Variants in SPATS1 observed in about 807,000 individuals in gnomAD.
SPATS1 encodes spermatogenesis associated serine rich 1.
Under a neutral mutation model 33.6 loss-of-function variants are expected in SPATS1, and 23 were observed. The observed-to-expected ratio is 0.68, with a 90% confidence interval of 0.49 to 0.97. The LOEUF is 0.97. Among genes scored for constraint, SPATS1 ranks in the 50% least tolerant of loss-of-function variants. The probability of loss-of-function intolerance (pLI) is 0.00; values close to 1 mark genes in which losing one functional copy is unlikely to be tolerated. For missense variants in SPATS1, 327 were observed against 361.0 expected, an observed-to-expected ratio of 0.91 and a Z score of 0.76; for synonymous variants, 131 against 125.6, an observed-to-expected ratio of 1.04 and a Z score of -0.29.
At chr6:44,346,280 C>CAA (rs3997539) in intron 2 of SPATS1, among the ~76,000 whole-genome samples, 20,260 of 144,576 alleles carry the variant, frequency 0.14, 1,824 homozygotes, top group East Asian at 0.25. Flanking sequence ...GACCCTGTCT[C>CAA]AAAAAAAAAA....
At position 44,378,169 on chromosome 6, in the gene SPATS1, T is replaced by A. The variant is rs1193493973; in HGVS notation, c.*1106T>A. On this transcript the variant is annotated 3_prime_UTR_variant, in exon 9 of 9. Transcript: ENST00000674044. ...GCTCAGTGACCACCAGTCATGAGTT[T>A]TAGGGCCTCCTGTCAATCAGACAAG... 1.3e-5 allele frequency: 2 copies of A among 152,102 alleles called. No homozygotes were observed. Among genetic ancestry groups the A allele is most frequent in the African/African-American group, 4.8e-5 (2 of 41,414 alleles). The allele number at this position is 152,102 out of a possible 1,614,324, so 9.4% of individuals were successfully genotyped here. A position where few individuals can be genotyped will look rare whatever the true frequency, so the allele number is the denominator to read the frequency against.
intron 2 of SPATS1, 30 bp downstream of exon 2, chr6:44,343,264 G>T (rs768465282): frequency 1.2e-6 from 2 of 1,612,404 alleles, no homozygotes; most frequent in Non-Finnish European, 1.7e-6. Context: ...AGGCTGTGGA[G>T]TTGGTGGCCA....
intron 6 of SPATS1, 139 bp from the exon 7 acceptor site, chr6:44,369,912 T>TAAAAA: frequency 2.2e-6 from 1 of 455,156 alleles, no homozygotes; most frequent in Non-Finnish European, 3.9e-6. Flanking sequence ...TAAAATAAAA[T>TAAAAA]CTGCGGTTCT....
intron 8 of SPATS1, 26 bp from the exon 9 acceptor site, chr6:44,377,009 C>T: frequency 6.2e-7 from 1 of 1,614,008 alleles, no homozygotes; most frequent in Non-Finnish European, 8.5e-7. Context: ...GGAAGAAAAC[C>T]TGTAACTCCA....
Position 44,361,899 on chromosome 6 carries a change from G to T in SPATS1, c.481G>T (p.Gly161Ter). Residue 161 changes from glycine to a stop codon, truncating the protein, a stop_gained, in exon 5 of 9, where the codon GGA (glycine) becomes TGA (stop). Transcript: ENST00000674044. LOFTEE classifies it high-confidence loss of function. ...FSSNIHTYHV[G>*]KQCFFNGVFL... ...CAGCAACATCCACACCTACCACGTCGGAAAGCAGTGCTTCTTTAATGGAGT... is the reference window on the plus strand; with the variant it reads ...CAGCAACATCCACACCTACCACGTCTGAAAGCAGTGCTTCTTTAATGGAGT... The T allele has an allele frequency of 3.7e-6, 6 of 1,614,214 alleles. No individual in the cohort carries two copies. The highest frequency in any genetic ancestry group is 5.1e-6 in the Non-Finnish European group (6 of 1,180,042).
chr6:44,363,763 C>G (rs1221617170), intron 5 of SPATS1, among the ~76,000 whole-genome samples: 1 of 151,318 alleles, frequency 6.6e-6, no homozygotes, highest in African/African-American at 2.4e-5. Flanking sequence ...TTCTTCTTTC[C>G]CTTCTTCCTT....
chr6:44,347,584 C>G (rs1787973578), intron 2 of SPATS1, among the ~76,000 whole-genome samples: 1 of 152,146 alleles, frequency 6.6e-6, no homozygotes. Flanking sequence ...TAAACTTTCA[C>G]TTACTTTTTT....
At position 44,342,756 on chromosome 6, in the gene SPATS1, A is replaced by C. The variant is rs1000862252; in HGVS notation, c.-13A>C. 4 of 484,320 alleles carry C rather than the reference A, an allele frequency of 8.3e-6. No individual in the cohort carries two copies. The highest frequency in any genetic ancestry group is 7.8e-5 in the African/African-American group (4 of 51,144). The allele number at this position is 484,320 out of a possible 1,614,324, so 30.0% of individuals were successfully genotyped here. Reference sequence around the variant, plus strand: ...GCGTGCGTTCGGCAGTTCAGTTGCCAGTTGGTTCGTTGGTCCGTGGAGGCC... The same window carrying C: ...GCGTGCGTTCGGCAGTTCAGTTGCCCGTTGGTTCGTTGGTCCGTGGAGGCC... On this transcript the variant is annotated 5_prime_UTR_variant, in exon 1 of 9. Coordinates refer to ENST00000674044, the MANE Select transcript of SPATS1 (RefSeq NM_001372081.1).
At chr6:44,356,047 G>C (rs956690334) in intron 3 of SPATS1, among the ~76,000 whole-genome samples, 1 of 152,190 alleles carries the variant, frequency 6.6e-6, no homozygotes, top group Non-Finnish European at 1.5e-5. Context: ...TCAGGCTTTA[G>C]ATTGATATAT....
chr6:44,351,024 T>C (rs1247743681), intron 2 of SPATS1, among the ~76,000 whole-genome samples: 1 of 146,756 alleles, frequency 6.8e-6, no homozygotes, highest in Non-Finnish European at 1.5e-5. Context: ...CTCATGAGGC[T>C]GAGGCAGGAG....
chr6:44,344,239 G>A lies in SPATS1; in HGVS notation c.139+1005G>A, dbSNP rs1243973045. Among the ~76,000 whole-genome samples the A allele has an allele frequency of 2.0e-5, 3 of 152,168 alleles. No individual in the cohort carries two copies. In the South Asian group the frequency reaches 6.2e-4, roughly 31 times the overall value. On this transcript the variant is annotated intron_variant, in intron 2 of 8. Transcript: ENST00000674044. The stretch of plus-strand genomic sequence containing the variant: ...TTTTCGAGTTAGGGGTAGCAGAAGG[G>A]TACCAGGTCCCAGACCACATTAATG...
chr6:44,359,081 C>T (rs570961404), intron 3 of SPATS1, among the ~76,000 whole-genome samples: 1 of 152,128 alleles, frequency 6.6e-6, no homozygotes, highest in East Asian at 1.9e-4. Flanking sequence ...CCACCTCAGC[C>T]TCCCAAGTAG....
At chr6:44,361,181 A>G (rs1273828954) in intron 4 of SPATS1, among the ~76,000 whole-genome samples, 2 of 152,298 alleles carry the variant, frequency 1.3e-5, no homozygotes, top group Non-Finnish European at 2.9e-5. Flanking sequence ...CCCAGAGCCC[A>G]CATTTCTCAA....
At chr6:44,376,293 T>TTTTTTTTTTTTTTTTTTTTTTTTGAGA (rs1789947167) in intron 7 of SPATS1, 65 bp from the exon 8 acceptor site, 1 of 964,434 alleles carries the variant, frequency 1.0e-6, no homozygotes, top group African/African-American at 1.7e-5. Context: ...TAATTTCTTA[T>TTTTTTTTTTTTTTTTTTTTTTTTGAGA]CCGCTGTTGG....
rs9367194 is a variant in SPATS1, at chr6:44,351,693, T to C, written c.140-1033T>C. ...TAATAGTATAGCAGAGTGAAGATAA[T>C]GGATATTCTTCTATGTCTGACACTC... On this transcript the variant is annotated intron_variant, in intron 2 of 8. Transcript: ENST00000674044. Among the ~76,000 whole-genome samples, 940 of 152,308 alleles carry C rather than the reference T, an allele frequency of 6.2e-3. 69 individuals are homozygous for C. In the East Asian group the frequency reaches 0.14, roughly 23 times the overall value.
intron 2 of SPATS1, 31 bp from the exon 3 acceptor site, chr6:44,352,695 G>A (rs769935155): frequency 1.9e-6 from 3 of 1,599,400 alleles, no homozygotes; most frequent in South Asian, 1.1e-5. Flanking sequence ...TTTCAATAAT[G>A]TAATTAAATG....
At chr6:44,369,555 T>G (rs936523014) in intron 6 of SPATS1, among the ~76,000 whole-genome samples, 6 of 149,066 alleles carry the variant, frequency 4.0e-5, no homozygotes, top group African/African-American at 1.5e-4. Context: ...CATCTCAAAA[T>G]AAATAAAATA....
chr6:44,362,778 A>G (rs2153368020), intron 5 of SPATS1, among the ~76,000 whole-genome samples: 1 of 152,256 alleles, frequency 6.6e-6, no homozygotes, highest in Admixed American at 6.5e-5. Flanking sequence ...GTAGAAAGCC[A>G]TACTAAATGA....
rs1052101756 is a variant in SPATS1 at position 44,356,711 on chromosome 6, C to T, written c.288-3735C>T. ...TGTCTCTACAGAGGGCATCCCACAA[C>T]ATAGCAGCTGTCTCTCCTTACAAGC... On this transcript the variant is annotated intron_variant, in intron 3 of 8. Coordinates refer to ENST00000674044, the MANE Select transcript of SPATS1 (RefSeq NM_001372081.1). Among the ~76,000 whole-genome samples the T allele has an allele frequency of 4.6e-5, 7 of 152,218 alleles. No individual in the cohort carries two copies. In the East Asian group the frequency reaches 7.7e-4, roughly 17 times the overall value.
Sources: gnomAD v4.1 joint callset for allele counts (sites outside exome capture counted in the v4.1 genomes callset) on GRCh38, gnomAD v4.1.1 for gene constraint, MANE v1.5 for transcripts, NCBI Gene and HGNC (gene_info 2026-07-23, HGNC 2026-07-21) for gene names.